NAA11: variants seen among roughly 807,000 people sequenced by gnomAD.
The protein encoded by NAA11 is N-alpha-acetyltransferase 11, NatA catalytic subunit, also known as N-alpha-acetyltransferase 11.
Under a neutral mutation model 16.1 loss-of-function variants are expected in NAA11, and 15 were observed. That is an observed-to-expected ratio of 0.93 (90% CI 0.62 to 1.44). The LOEUF is 1.44. Ranked by LOEUF, NAA11 falls within the 40% of genes most tolerant of loss-of-function variation. The pLI is 0.00. For synonymous variants in NAA11, 122 were observed against 112.4 expected, an observed-to-expected ratio of 1.09 and a Z score of -0.54; for missense variants, 298 against 291.3, an observed-to-expected ratio of 1.02 and a Z score of -0.17.
At chr4:79,215,784 A>G in the NAA11 span, among the ~76,000 whole-genome samples, 2 of 152,226 alleles carry the variant, frequency 1.3e-5, no homozygotes, top group African/African-American at 2.4e-5. Flanking sequence ...GAACTATAAA[A>G]TGAGGATAAT....
At chr4:79,321,299 T>A (rs987525963) in intron 1 of NAA11, among the ~76,000 whole-genome samples, 1 of 152,204 alleles carries the variant, frequency 6.6e-6, no homozygotes, top group Non-Finnish European at 1.5e-5. Context: ...CTATGCTGTG[T>A]TGTTGCTGAA....
At chr4:79,179,731 T>A in the NAA11 span, among the ~76,000 whole-genome samples, 1 of 152,334 alleles carries the variant, frequency 6.6e-6, no homozygotes, top group East Asian at 1.9e-4. Context: ...ATCAAGAGCA[T>A]TACTATTTCC....
the NAA11 span, among the ~76,000 whole-genome samples, chr4:79,203,448 A>G: frequency 6.6e-6 from 1 of 151,820 alleles, no homozygotes; most frequent in African/African-American, 2.4e-5. Context: ...TACATGTTTT[A>G]TGTAGTTGTT....
At chr4:79,322,261 G>A (rs1040569512) in intron 1 of NAA11, among the ~76,000 whole-genome samples, 1 of 152,086 alleles carries the variant, frequency 6.6e-6, no homozygotes, top group African/African-American at 2.4e-5. Context: ...TCAGAAAGAC[G>A]GTGAAGCTCA....
chr4:79,157,817 G>C, the NAA11 span, among the ~76,000 whole-genome samples: 1 of 151,474 alleles, frequency 6.6e-6, no homozygotes, highest in Non-Finnish European at 1.5e-5. Context: ...GGAAGTCCTA[G>C]CCAGAGCAAT....
the NAA11 span, among the ~76,000 whole-genome samples, chr4:79,203,962 T>G: frequency 6.6e-6 from 1 of 151,822 alleles, no homozygotes; most frequent in Non-Finnish European, 1.5e-5. Flanking sequence ...GAACATCAAA[T>G]GGAAAATGTT....
In NAA11 at chr4:79,316,857, C is replaced by T. The variant is rs1389719345; in HGVS notation, c.*947G>A. ...TTTTAACACATTTATAAATAAAATG[C>T]AAAGAGTAGGAACAGAAAAGTAGAA... On this transcript the variant is annotated 3_prime_UTR_variant, in exon 2 of 2. Coordinates refer to ENST00000286794, the MANE Select transcript of NAA11 (RefSeq NM_032693.3). The T allele has an allele frequency of 2.0e-5, 3 of 152,048 alleles. No individual in the cohort carries two copies. Among genetic ancestry groups the T allele is most frequent in the Non-Finnish European group, 2.9e-5 (2 of 68,010 alleles). The allele number at this position is 152,048 out of a possible 1,614,324, so 9.4% of individuals were successfully genotyped here.
chr4:79,283,046 T>C (rs1722831782), intron 2 of NAA11, among the ~76,000 whole-genome samples: 1 of 152,066 alleles, frequency 6.6e-6, no homozygotes, highest in Admixed American at 6.6e-5. Context: ...CTGAGAAGTC[T>C]CTAAATATAA....
the NAA11 span, among the ~76,000 whole-genome samples, chr4:79,183,481 T>G: frequency 6.6e-6 from 1 of 152,120 alleles, no homozygotes. Flanking sequence ...ACTAATGTCT[T>G]GGGAATATTT....
chr4:79,280,787 T>A (rs946668790), intron 2 of NAA11, among the ~76,000 whole-genome samples: 1 of 152,008 alleles, frequency 6.6e-6, no homozygotes, highest in Non-Finnish European at 1.5e-5. Context: ...AAATAAAATG[T>A]GTGTGCATGA....
At chr4:79,201,520 A>G in the NAA11 span, among the ~76,000 whole-genome samples, 1 of 151,686 alleles carries the variant, frequency 6.6e-6, no homozygotes, top group African/African-American at 2.4e-5. Context: ...CCAGGATGTT[A>G]ATTTTTTCAC....
chr4:79,299,320 C>T (rs574347652), intron 1 of NAA11: 1 of 152,310 alleles, frequency 6.6e-6, no homozygotes, highest in South Asian at 2.1e-4. Context: ...TGAGTCCTTT[C>T]CTCTATATAA....
chr4:79,324,335 G>A (rs762895162), intron 1 of NAA11, among the ~76,000 whole-genome samples: 14 of 152,032 alleles, frequency 9.2e-5, no homozygotes, highest in Admixed American at 3.3e-4. Context: ...TATAGTCCCC[G>A]TTCAAATTTT....
intron 1 of NAA11, among the ~76,000 whole-genome samples, chr4:79,303,083 T>G (rs1157738930): frequency 4.3e-4 from 9 of 20,796 alleles, no homozygotes; most frequent in African/African-American, 1.1e-3. Flanking sequence ...CTTTTATATA[T>G]ATATATATAT....
downstream of NAA11, among the ~76,000 whole-genome samples, chr4:79,314,057 A>T (rs923921135): frequency 1.6e-4 from 25 of 152,196 alleles, no homozygotes; most frequent in South Asian, 2.1e-4. Context: ...AGAAAGGATG[A>T]GGAAGAAAGT....
chr4:79,249,890 C>A (rs1325891071), intron 2 of NAA11, among the ~76,000 whole-genome samples: 1 of 152,206 alleles, frequency 6.6e-6, no homozygotes, highest in Non-Finnish European at 1.5e-5. Flanking sequence ...GCAGCTCTCA[C>A]AGAGGACAAA....
the NAA11 span, among the ~76,000 whole-genome samples, chr4:79,199,804 C>T: frequency 6.6e-6 from 1 of 151,844 alleles, no homozygotes; most frequent in Non-Finnish European, 1.5e-5. Context: ...ATTTCTGTCA[C>T]TAAAATCTAA....
chr4:79,216,380 C>T, the NAA11 span, among the ~76,000 whole-genome samples: 1 of 152,142 alleles, frequency 6.6e-6, no homozygotes, highest in South Asian at 2.1e-4. Flanking sequence ...AAGCCTGTGA[C>T]CCAGAACATC....
the NAA11 span, among the ~76,000 whole-genome samples, chr4:79,191,808 G>GT: frequency 6.6e-6 from 1 of 152,070 alleles, no homozygotes; most frequent in African/African-American, 2.4e-5. Context: ...GATTTTTATA[G>GT]TTTTGGGTTT....
Sources: allele counts gnomAD v4.1 joint callset (sites outside exome capture counted in the v4.1 genomes callset), GRCh38; gene constraint gnomAD v4.1.1; transcripts MANE v1.5; gene names NCBI Gene and HGNC (gene_info 2026-07-23, HGNC 2026-07-21).